The following ACVR2A variants were observed in gnomAD, a reference collection of about 807,000 sequenced individuals.
The protein encoded by ACVR2A is activin A receptor type 2A.
ACVR2A carries 7 observed loss-of-function variants against 61.4 expected under a neutral mutation model. The ratio of observed to expected loss-of-function variants is 0.11; its 90% confidence interval spans 0.06 to 0.21. The LOEUF (loss-of-function observed/expected upper bound fraction) is 0.21, where lower values mean the gene tolerates loss of function less well. ACVR2A is among the 10% of genes least tolerant of loss of function. ACVR2A has a pLI of 1.00. For missense variants in ACVR2A, 322 were observed against 621.7 expected (o/e 0.52, Z 5.13); for synonymous variants, 193 against 208.3 (o/e 0.93, Z 0.63).
In ACVR2A at chr2:147,845,319, C is replaced by G. The variant is rs1052980265; in HGVS notation, c.55+112C>G. 12 of 878,048 alleles carry G rather than the reference C, an allele frequency of 1.4e-5. No homozygotes were observed. In the African/African-American group the frequency reaches 2.1e-4, roughly 15 times the overall value. 54.4% of individuals were successfully genotyped at this position (878,048 alleles called of 1,614,324 possible). On this transcript the variant is annotated intron_variant, in intron 1 of 10. Coordinates refer to ENST00000241416, the MANE Select transcript of ACVR2A (RefSeq NM_001616.5). ...AGTCCAGTGGAGCCTGGGGAGGTTG[C>G]CCACTCCCTGCGCCCCTCGGCTGCC... is the stretch of plus-strand genomic sequence containing the variant.
intron 1 of ACVR2A, among the ~76,000 whole-genome samples, chr2:147,888,681 C>CTTTTTT (rs1156497786): frequency 7.3e-6 from 1 of 136,758 alleles, no homozygotes; most frequent in African/African-American, 2.7e-5. Flanking sequence ...GCTGCTGCTT[C>CTTTTTT]TTTTTTTTTT....
At chr2:147,894,551 G>A (rs1196316660) in intron 1 of ACVR2A, among the ~76,000 whole-genome samples, 1 of 151,690 alleles carries the variant, frequency 6.6e-6, no homozygotes, top group East Asian at 1.9e-4. Flanking sequence ...GAATTATGTA[G>A]ACTTTCTAAA....
intron 1 of ACVR2A, among the ~76,000 whole-genome samples, chr2:147,888,463 T>A (rs952735485): frequency 1.3e-5 from 2 of 152,204 alleles, no homozygotes; most frequent in Non-Finnish European, 2.9e-5. Flanking sequence ...ATCAGCATTT[T>A]AAAATTTTAA....
chr2:147,845,924 G>A (rs1573906679), intron 1 of ACVR2A, among the ~76,000 whole-genome samples: 1 of 152,158 alleles, frequency 6.6e-6, no homozygotes, highest in Admixed American at 6.5e-5. Context: ...TAAACGCTTT[G>A]TATTGAAGCA....
chr2:147,853,919 ACT>A, intron 1 of ACVR2A, among the ~76,000 whole-genome samples: 1 of 152,124 alleles, frequency 6.6e-6, no homozygotes, highest in Non-Finnish European at 1.5e-5. Flanking sequence ...CATTTCTAAA[ACT>A]CTGAGATTAA....
chr2:147,880,959 T>TC (rs1415827386), intron 1 of ACVR2A, among the ~76,000 whole-genome samples: 2 of 152,182 alleles, frequency 1.3e-5, no homozygotes, highest in Admixed American at 1.3e-4. Flanking sequence ...CTCCTATTTT[T>TC]CCCTCTTTGT....
chr2:147,866,956 C>G (rs936430279), intron 1 of ACVR2A, among the ~76,000 whole-genome samples: 3 of 152,088 alleles, frequency 2.0e-5, no homozygotes, highest in Non-Finnish European at 4.4e-5. Flanking sequence ...CTGTCATTTT[C>G]AGAGCAGGGA....
At position 147,928,081 on chromosome 2, in the gene ACVR2A, A is replaced by AGAT. The variant is rs971896809; in HGVS notation, c.*809_*811dup. 3.9e-5 allele frequency: 6 copies of AGAT among 152,392 alleles called. No individual in the cohort carries two copies. Among genetic ancestry groups the AGAT allele is most frequent in the East Asian group, 1.9e-4 (1 of 5,176 alleles). 9.4% of individuals were successfully genotyped at this position (152,392 alleles called of 1,614,324 possible). On this transcript the variant is annotated 3_prime_UTR_variant, in exon 11 of 11. Transcript: ENST00000241416. ...GGAAAAAAAGTGCTGTTTTTTGAAA[A>AGAT]GATGGTGTCATTTCCCCCTTCTTCC... is the stretch of plus-strand genomic sequence containing the variant.
chr2:147,902,363 C>T (rs1012503630), intron 4 of ACVR2A, among the ~76,000 whole-genome samples: 6 of 151,956 alleles, frequency 3.9e-5, no homozygotes, highest in Admixed American at 2.0e-4. Flanking sequence ...TTATTACTTA[C>T]GCTGTTCTGC....
intron 7 of ACVR2A, among the ~76,000 whole-genome samples, chr2:147,918,857 C>G (rs979540781): frequency 1.3e-5 from 2 of 152,008 alleles, no homozygotes; most frequent in African/African-American, 4.8e-5. Flanking sequence ...TTTTCTCGAT[C>G]TCAAAGGAAA....
chr2:147,861,684 G>GA (rs936936245), intron 1 of ACVR2A, among the ~76,000 whole-genome samples: 9 of 150,780 alleles, frequency 6.0e-5, no homozygotes, highest in African/African-American at 2.2e-4. Context: ...TTTGAAATCC[G>GA]AAAAAAAAAT....
At chr2:147,870,524 C>T (rs930212753) in intron 1 of ACVR2A, among the ~76,000 whole-genome samples, 2 of 152,056 alleles carry the variant, frequency 1.3e-5, no homozygotes, top group African/African-American at 4.8e-5. Context: ...GTGGGCTGCC[C>T]GGTATGGAGT....
intron 4 of ACVR2A, chr2:147,902,741 CTT>C (rs1686900039): frequency 6.6e-6 from 1 of 152,006 alleles, no homozygotes; most frequent in South Asian, 2.1e-4. Context: ...CCTATTAAGA[CTT>C]TTTCGAAGGG....
At chr2:147,844,926 T>A (rs955054477), upstream of ACVR2A, 8 of 478,460 alleles carry the variant, frequency 1.7e-5, no homozygotes, top group Non-Finnish European at 2.9e-5. Context: ...TGTGTGGCGG[T>A]TTTTCCCCCG....
chr2:147,882,989 T>C (rs1256410858), intron 1 of ACVR2A, among the ~76,000 whole-genome samples: 2 of 152,200 alleles, frequency 1.3e-5, no homozygotes, highest in African/African-American at 2.4e-5. Flanking sequence ...TTTCTTCATA[T>C]ATCTAACTTG....
chr2:147,854,136 T>C (rs1433160728), intron 1 of ACVR2A, among the ~76,000 whole-genome samples: 2 of 152,172 alleles, frequency 1.3e-5, no homozygotes, highest in Non-Finnish European at 1.5e-5. Flanking sequence ...AGTCAGTTAA[T>C]GTGAAATAAT....
Position 147,923,118 on chromosome 2 carries a change from G to A in ACVR2A, c.1216+7G>A. On this transcript the variant is annotated splice_region_variant and intron_variant, in intron 9 of 10. Transcript: ENST00000241416. Reference sequence around the variant, plus strand: ...CGCTGTACTGCTGCAGATGGTAAGGGAAAAAAATATTTTTAAAAAAGATAT... The same window carrying A: ...CGCTGTACTGCTGCAGATGGTAAGGAAAAAAAATATTTTTAAAAAAGATAT... The A allele has an allele frequency of 1.3e-6, 2 of 1,598,796 alleles. No homozygotes were observed. The highest frequency in any genetic ancestry group is 1.7e-6 in the Non-Finnish European group (2 of 1,175,174).
At chr2:147,888,124 C>T (rs1573680447) in intron 1 of ACVR2A, among the ~76,000 whole-genome samples, 2 of 152,102 alleles carry the variant, frequency 1.3e-5, no homozygotes, top group East Asian at 1.9e-4. Context: ...ACGAATTAGA[C>T]GTGTTTGTAT....
rs1685295955 is a variant in ACVR2A, at chr2:147,845,755, C to T, written c.55+548C>T. ...CTCACGTTTTCTTCAACTTCAGCGTCCAGCAGTGTTAAAAATAGTTGTAGT... is the reference window on the plus strand; with the variant it reads ...CTCACGTTTTCTTCAACTTCAGCGTTCAGCAGTGTTAAAAATAGTTGTAGT... On this transcript the variant is annotated intron_variant, in intron 1 of 10. Transcript: ENST00000241416. 2.0e-5 allele frequency among the ~76,000 whole-genome samples: 3 copies of T among 152,258 alleles called. No homozygotes were observed. The South Asian group carries it at 6.2e-4, about 32-fold the overall frequency.
Sources: allele counts gnomAD v4.1 joint callset (sites outside exome capture counted in the v4.1 genomes callset), GRCh38; gene constraint gnomAD v4.1.1; transcripts MANE v1.5; gene names NCBI Gene and HGNC (gene_info 2026-07-23, HGNC 2026-07-21).